PCDHGA3: variants seen among roughly 807,000 people sequenced by gnomAD.
The protein encoded by PCDHGA3 is protocadherin gamma-A3.
PCDHGA3 carries 40 observed loss-of-function variants against 58.5 expected under a neutral mutation model. The ratio of observed to expected loss-of-function variants is 0.68; its 90% CI spans 0.53 to 0.89. PCDHGA3 has a LOEUF of 0.89. Ranked by LOEUF, PCDHGA3 falls within the 40% of genes least tolerant of loss-of-function variation. The pLI is 0.00. For synonymous variants in PCDHGA3, 530 were observed against 525.7 expected, an observed-to-expected ratio of 1.01 and a Z score of -0.11; for missense variants, 1,223 against 1,195.9, an observed-to-expected ratio of 1.02 and a Z score of -0.33.
At chr5:141,376,374 G>C (rs561821467) in intron 1 of PCDHGA3, 10 of 1,614,072 alleles carry the variant, frequency 6.2e-6, no homozygotes, top group African/African-American at 2.7e-5. Flanking sequence ...GCAGACTCGC[G>C]TAAGAGTCAT....
chr5:141,351,441 C>T (rs768328873), intron 1 of PCDHGA3: 17 of 1,612,464 alleles, frequency 1.1e-5, no homozygotes, highest in Non-Finnish European at 1.4e-5. Context: ...GAATCCACCT[C>T]GAAGAATTAT....
At chr5:141,376,392 TC>T (rs1163075559) in intron 1 of PCDHGA3, 5 of 1,614,092 alleles carry the variant, frequency 3.1e-6, no homozygotes, top group Non-Finnish European at 4.2e-6. Flanking sequence ...CATCTGATTT[TC>T]CCCCAGCCCA....
At position 141,432,727 on chromosome 5, in the gene PCDHGA3, C is replaced by T; in HGVS notation, c.2425-62080C>T. 6.2e-7 allele frequency: 1 copy of T among 1,614,090 alleles called. No individual in the cohort carries two copies. Among genetic ancestry groups the T allele is most frequent in the Non-Finnish European group, 8.5e-7 (1 of 1,179,996 alleles). ...ACCACGGCCAGCCCCCTCTCTCCGC[C>T]ACTGTCACGCTCACCGTGGCCGTGG... On this transcript the variant is annotated intron_variant, in intron 1 of 3. Transcript: ENST00000253812. The surrounding 1 kb of genome is among the most constrained non-coding windows in gnomAD (Gnocchi z 6.0).
intron 1 of PCDHGA3, among the ~76,000 whole-genome samples, chr5:141,349,399 C>T (rs1406274983): frequency 6.6e-6 from 1 of 152,056 alleles, no homozygotes; most frequent in East Asian, 1.9e-4. Context: ...AAAAAAGAAG[C>T]ACTGGTTTCA....
rs112808093 is a variant in PCDHGA3, at chr5:141,489,579, C to A, written c.2425-5228C>A. ...CAGTGCAGGTGGTGACTGAACACCC[C>A]CTGGAGCTAATCCGTGTAGAGGTAG... On this transcript the variant is annotated intron_variant, in intron 1 of 3. Coordinates refer to ENST00000253812, the MANE Select transcript of PCDHGA3 (RefSeq NM_018916.4). This position sits in a 1 kb window ranked among gnomAD's most constrained non-coding sequence, Gnocchi z 4.5. 1.2e-6 allele frequency: 2 copies of A among 1,613,922 alleles called. No individual in the cohort carries two copies. Among genetic ancestry groups the A allele is most frequent in the African/African-American group, 2.7e-5 (2 of 74,916 alleles).
chr5:141,418,759 C>T (rs527475797), intron 1 of PCDHGA3: 17 of 1,613,898 alleles, frequency 1.1e-5, no homozygotes, highest in Non-Finnish European at 1.4e-5. Flanking sequence ...CTACAGGAAA[C>T]ATTCTAACTC....
chr5:141,387,021 G>A (rs1385427303), intron 1 of PCDHGA3, among the ~76,000 whole-genome samples: 1 of 152,158 alleles, frequency 6.6e-6, no homozygotes, highest in Non-Finnish European at 1.5e-5. Context: ...GAAGATGAAT[G>A]TTGTATTTCA....
rs1018384314 is a variant in PCDHGA3 at position 141,490,427 on chromosome 5, A to G, written c.2425-4380A>G. On this transcript the variant is annotated intron_variant, in intron 1 of 3. Coordinates refer to ENST00000253812, the MANE Select transcript of PCDHGA3 (RefSeq NM_018916.4). This position sits in a 1 kb window ranked among gnomAD's most constrained non-coding sequence, Gnocchi z 5.4. ...GATATCTCTCCGGACCTGCCATTTCAGATTAAGCCTTCTGAGAACCACTAC... is the reference window on the plus strand; with the variant it reads ...GATATCTCTCCGGACCTGCCATTTCGGATTAAGCCTTCTGAGAACCACTAC... 6.2e-7 allele frequency: 1 copy of G among 1,614,092 alleles called. No individual in the cohort carries two copies.
chr5:141,423,358 G>T (rs202010010), intron 1 of PCDHGA3: 1 of 1,614,196 alleles, frequency 6.2e-7, no homozygotes, highest in South Asian at 1.1e-5. Flanking sequence ...CTTTGTCATC[G>T]TGCTGCTGGC....
rs966291038 is a variant in PCDHGA3, at chr5:141,487,740, G to A, written c.2425-7067G>A. 4 of 1,562,290 alleles carry A rather than the reference G, an allele frequency of 2.6e-6. No individual in the cohort carries two copies. The highest frequency in any genetic ancestry group is 1.7e-6 in the Non-Finnish European group (2 of 1,151,972). On this transcript the variant is annotated intron_variant, in intron 1 of 3. Transcript: ENST00000253812. The surrounding 1 kb of genome is among the most constrained non-coding windows in gnomAD (Gnocchi z 5.0). ...CATAGTGATGTCACCATTTTTGTAAGAGGTAACTATGTGGTAGACGCTGTG... is the reference window on the plus strand; with the variant it reads ...CATAGTGATGTCACCATTTTTGTAAAAGGTAACTATGTGGTAGACGCTGTG...
chr5:141,394,073 C>T (rs762892708), intron 1 of PCDHGA3: 14 of 1,613,718 alleles, frequency 8.7e-6, no homozygotes, highest in Non-Finnish European at 1.1e-5. Flanking sequence ...TCTACAATAT[C>T]ACAGTGATGG....
intron 1 of PCDHGA3, chr5:141,364,555 TG>T: frequency 6.2e-7 from 1 of 1,614,108 alleles, no homozygotes; most frequent in Non-Finnish European, 8.5e-7. Context: ...CGCAGCTTTT[TG>T]CCCTGAACCC....
intron 1 of PCDHGA3, chr5:141,423,597 G>A: frequency 6.2e-7 from 1 of 1,613,188 alleles, no homozygotes; most frequent in Non-Finnish European, 8.5e-7. Context: ...AGAAAAGCGA[G>A]CCACTCTTGA....
chr5:141,356,522 A>C, intron 1 of PCDHGA3: 1 of 1,613,734 alleles, frequency 6.2e-7, no homozygotes, highest in Non-Finnish European at 8.5e-7. Flanking sequence ...ATTTCACTGC[A>C]AGTGATGGAC....
intron 1 of PCDHGA3, among the ~76,000 whole-genome samples, chr5:141,437,499 CA>C (rs2097890101): frequency 6.6e-6 from 1 of 152,076 alleles, no homozygotes; most frequent in African/African-American, 2.4e-5. Context: ...GATCACTTTT[CA>C]ATGAATTATA....
At position 141,487,047 on chromosome 5, in the gene PCDHGA3, C is replaced by T; in HGVS notation, c.2425-7760C>T. The T allele has an allele frequency of 6.2e-7, 1 of 1,614,188 alleles. No individual in the cohort carries two copies. Among genetic ancestry groups the T allele is most frequent in the Non-Finnish European group, 8.5e-7 (1 of 1,180,032 alleles). ...AGCCTGTTTGCAGTCTCTCGATATGCTGGGGAGGTGCGGACGGCTGTTCCT... is the reference window on the plus strand; with the variant it reads ...AGCCTGTTTGCAGTCTCTCGATATGTTGGGGAGGTGCGGACGGCTGTTCCT... On this transcript the variant is annotated intron_variant, in intron 1 of 3. Coordinates refer to ENST00000253812, the MANE Select transcript of PCDHGA3 (RefSeq NM_018916.4). This position sits in a 1 kb window ranked among gnomAD's most constrained non-coding sequence, Gnocchi z 5.0.
chr5:141,410,458 T>C (rs776990737), intron 1 of PCDHGA3: 9 of 1,613,922 alleles, frequency 5.6e-6, no homozygotes, highest in Middle Eastern at 3.3e-4. Context: ...CTTATTCTTA[T>C]AATCTGTGCA....
chr5:141,346,650 T>A, intron 1 of PCDHGA3, 193 bp downstream of exon 1: 2 of 808,356 alleles, frequency 2.5e-6, no homozygotes, highest in Non-Finnish European at 3.9e-6. Context: ...TGAGTGGGCT[T>A]AGGGAAAAAA....
chr5:141,398,286 C>T (rs1338652897), intron 1 of PCDHGA3: 1 of 1,395,846 alleles, frequency 7.2e-7, no homozygotes, highest in South Asian at 1.3e-5. Context: ...TCGCCACGGA[C>T]CTGGGGTTCA....
Sources: allele counts gnomAD v4.1 joint callset (sites outside exome capture counted in the v4.1 genomes callset), GRCh38; gene constraint gnomAD v4.1.1; non-coding constraint Gnocchi (gnomAD v3.1); transcripts MANE v1.5; gene names NCBI Gene and HGNC (gene_info 2026-07-23, HGNC 2026-07-21).